Variants in TMEM8B observed in about 807,000 individuals in gnomAD.
TMEM8B encodes transmembrane protein 8B, also known as nasopharyngeal carcinoma expressed 6.
Under a neutral mutation model 49.3 loss-of-function variants are expected in TMEM8B, and 29 were observed. The observed-to-expected ratio is 0.59, with a 90% CI of 0.44 to 0.80. The LOEUF (loss-of-function observed/expected upper bound fraction) is 0.80. Among genes scored for constraint, TMEM8B ranks in the 30% least tolerant of loss-of-function variants. The pLI is 0.00. For synonymous variants in TMEM8B, 264 were observed against 272.8 expected, an observed-to-expected ratio of 0.97 and a Z score of 0.32; for missense variants, 575 against 658.5, an observed-to-expected ratio of 0.87 and a Z score of 1.39.
In TMEM8B at chr9:35,829,328, C is replaced by T; in HGVS notation, c.-120C>T. 2.7e-6 allele frequency: 1 copy of T among 370,030 alleles called. No individual in the cohort carries two copies. Among genetic ancestry groups the T allele is most frequent in the Non-Finnish European group, 4.8e-6 (1 of 207,558 alleles). The allele number at this position is 370,030 out of a possible 1,614,324, so 22.9% of individuals were successfully genotyped here. ...CCTGAACTCCTACCCAGGTCCCCGG[C>T]CCCCGCCCCGGGCCCGCGAGGACAC... On this transcript the variant is annotated 5_prime_UTR_variant, in exon 1 of 13. Coordinates refer to ENST00000643932, the MANE Select transcript of TMEM8B (RefSeq NM_001042590.4).
intron 10 of TMEM8B, among the ~76,000 whole-genome samples, chr9:35,851,553 C>T (rs1004033589): frequency 2.2e-4 from 33 of 152,194 alleles, no homozygotes; most frequent in African/African-American, 6.8e-4. Context: ...GGAACCATGT[C>T]CCCAAAATAA....
At chr9:35,847,233 C>T in intron 10 of TMEM8B, 1 of 1,267,280 alleles carries the variant, frequency 7.9e-7, no homozygotes, top group Non-Finnish European at 1.1e-6. Flanking sequence ...GTTTGGGCCT[C>T]CAGCTGTTCC....
Position 35,859,664 on chromosome 9 carries a change from C to T in TMEM8B, c.*5824C>T. 6.2e-6 allele frequency: 1 copy of T among 161,450 alleles called. No individual in the cohort carries two copies. The allele number at this position is 161,450 out of a possible 1,614,324, so 10.0% of individuals were successfully genotyped here. Reference sequence around the variant, plus strand: ...CCAGCAGCAGGCACTCCGTTGATCCCAGCGCCAGGGTCAGGTACATCTGCA... The same window carrying T: ...CCAGCAGCAGGCACTCCGTTGATCCTAGCGCCAGGGTCAGGTACATCTGCA... On this transcript the variant is annotated 3_prime_UTR_variant, in exon 13 of 13. Coordinates refer to ENST00000643932, the MANE Select transcript of TMEM8B (RefSeq NM_001042590.4).
rs77574507 is a variant in TMEM8B at position 35,859,290 on chromosome 9, C to T, written c.*5450C>T. Reference sequence around the variant, plus strand: ...TGAGCAGGTGGAGAAGGCTTTGCACCGGCCTGCAGCAGAGGGTACCCTAAG... The same window carrying T: ...TGAGCAGGTGGAGAAGGCTTTGCACTGGCCTGCAGCAGAGGGTACCCTAAG... On this transcript the variant is annotated 3_prime_UTR_variant, in exon 13 of 13. Transcript: ENST00000643932. 0.016 allele frequency: 2,609 copies of T among 159,414 alleles called. 66 individuals carry two copies. The highest frequency in any genetic ancestry group is 0.057 in the African/African-American group (2,369 of 41,838). The allele number at this position is 159,414 out of a possible 1,614,324, so 9.9% of individuals were successfully genotyped here.
rs973928003 is a variant in TMEM8B, at chr9:35,858,089, C to T, written c.*4249C>T. 2 of 148,588 alleles carry T rather than the reference C, an allele frequency of 1.3e-5. No homozygotes were observed. The highest frequency in any genetic ancestry group is 2.5e-5 in the African/African-American group (1 of 40,118). The allele number at this position is 148,588 out of a possible 1,614,324, so 9.2% of individuals were successfully genotyped here. A position where few individuals can be genotyped will look rare whatever the true frequency, so the allele number is the denominator to read the frequency against. ...TGCCCTCACTGTGTCTGGTGCTGTT[C>T]CATTTTTTTTCTTTCTTTCTTTTTT... On this transcript the variant is annotated 3_prime_UTR_variant, in exon 13 of 13. Transcript: ENST00000643932.
In TMEM8B at chr9:35,858,257, T is replaced by C. The variant is rs1832587764; in HGVS notation, c.*4417T>C. On this transcript the variant is annotated 3_prime_UTR_variant, in exon 13 of 13. Coordinates refer to ENST00000643932, the MANE Select transcript of TMEM8B (RefSeq NM_001042590.4). ...CAGGTGCACCACCACACCTGGCTAA[T>C]TTTTTGTGTTTTTAGTAGAGGCAGG... is the stretch of plus-strand genomic sequence containing the variant. The C allele has an allele frequency of 6.6e-6, 1 of 151,834 alleles. No homozygotes were observed. Among genetic ancestry groups the C allele is most frequent in the East Asian group, 1.9e-4 (1 of 5,176 alleles). 9.4% of individuals were successfully genotyped at this position (151,834 alleles called of 1,614,324 possible). A position where few individuals can be genotyped will look rare whatever the true frequency, so the allele number is the denominator to read the frequency against.
intron 6 of TMEM8B, among the ~76,000 whole-genome samples, chr9:35,843,703 G>C (rs1372848141): frequency 6.6e-6 from 1 of 152,108 alleles, no homozygotes; most frequent in Non-Finnish European, 1.5e-5. Context: ...TTTATTATAA[G>C]AGTAATAGGA....
At chr9:35,838,369 G>T (rs1172161516) in intron 3 of TMEM8B, among the ~76,000 whole-genome samples, 2 of 151,880 alleles carry the variant, frequency 1.3e-5, no homozygotes, top group Admixed American at 1.3e-4. Context: ...TGACTTTACA[G>T]AACTGTCCTG....
At chr9:35,847,350 T>C in intron 10 of TMEM8B, 1 of 605,514 alleles carries the variant, frequency 1.7e-6, no homozygotes, top group Middle Eastern at 4.3e-4. Context: ...GTTCTCTGTA[T>C]GGGGGCAGGA....
At chr9:35,835,875 C>T (rs1176817510) in intron 3 of TMEM8B, among the ~76,000 whole-genome samples, 1 of 152,230 alleles carries the variant, frequency 6.6e-6, no homozygotes, top group Non-Finnish European at 1.5e-5. Flanking sequence ...GGTCAGATGT[C>T]TCTCTGGTTT....
Position 35,845,980 on chromosome 9 carries a change from C to G in TMEM8B, c.1641C>G (p.Ser547=). 1 of 1,613,884 alleles carries G rather than the reference C, an allele frequency of 6.2e-7. No homozygotes were observed. The highest frequency in any genetic ancestry group is 8.5e-7 in the Non-Finnish European group (1 of 1,179,922). ...TCCATACCTGCCCTCCCCAGAGCTCCGTGCGCCAGGAAAACGTGACGGTGT... is the reference window on the plus strand; with the variant it reads ...TCCATACCTGCCCTCCCCAGAGCTCGGTGCGCCAGGAAAACGTGACGGTGT... ...LSLELQLNAS[S]VRQENVTVFG... is the part of the protein sequence containing the mutation. The change falls in exon 7 of 13, where the codon TCC becomes TCG. Residue 547 remains serine (S), a synonymous_variant. Coordinates refer to ENST00000643932, the MANE Select transcript of TMEM8B (RefSeq NM_001042590.4).
At position 35,858,794 on chromosome 9, in the gene TMEM8B, T is replaced by G. The variant is rs1832599696; in HGVS notation, c.*4954T>G. On this transcript the variant is annotated 3_prime_UTR_variant, in exon 13 of 13. Coordinates refer to ENST00000643932, the MANE Select transcript of TMEM8B (RefSeq NM_001042590.4). The stretch of plus-strand genomic sequence containing the variant: ...TGAGTAGAAGCTTTAAGAGTCAGTG[T>G]AGGCTTTGTTACTTTCCCTTTTCTT... The G allele has an allele frequency of 6.6e-6, 1 of 152,270 alleles. No individual in the cohort carries two copies. The highest frequency in any genetic ancestry group is 1.5e-5 in the Non-Finnish European group (1 of 68,066). 9.4% of individuals were successfully genotyped at this position (152,270 alleles called of 1,614,324 possible). A position where few individuals can be genotyped will look rare whatever the true frequency, so the allele number is the denominator to read the frequency against.
chr9:35,839,446 G>A (rs902285369), intron 3 of TMEM8B, among the ~76,000 whole-genome samples: 6 of 152,148 alleles, frequency 3.9e-5, no homozygotes, highest in Non-Finnish European at 7.3e-5. Context: ...ACTGGGTGAC[G>A]GTTCCCTGCA....
chr9:35,829,807 C>G lies in TMEM8B; in HGVS notation c.360C>G (p.Pro120=), dbSNP rs1189440394. 2 of 416,478 alleles carry G rather than the reference C, an allele frequency of 4.8e-6. No individual in the cohort carries two copies. The highest frequency in any genetic ancestry group is 2.1e-5 in the African/African-American group (1 of 48,718). 25.8% of individuals were successfully genotyped at this position (416,478 alleles called of 1,614,324 possible). Reference sequence around the variant, plus strand: ...CCAACCCATTATCTCAGCCTTTGCCCTCATCTCTGTGTTTACCCAAGTCTC... The same window carrying G: ...CCAACCCATTATCTCAGCCTTTGCCGTCATCTCTGTGTTTACCCAAGTCTC... ...AQPNPLSQPL[P]SSLCLPKSLP... is the part of the protein sequence containing the mutation. The change falls in exon 1 of 13, where the codon CCC becomes CCG. Residue 120 remains proline, a synonymous_variant. Coordinates refer to ENST00000643932, the MANE Select transcript of TMEM8B (RefSeq NM_001042590.4).
At position 35,829,913 on chromosome 9, in the gene TMEM8B, C is replaced by G; in HGVS notation, c.466C>G (p.Leu156Val). 2.4e-6 allele frequency: 1 copy of G among 416,136 alleles called. No homozygotes were observed. Among genetic ancestry groups the G allele is most frequent in the Non-Finnish European group, 4.4e-6 (1 of 226,630 alleles). The allele number at this position is 416,136 out of a possible 1,614,324, so 25.8% of individuals were successfully genotyped here. A position where few individuals can be genotyped will look rare whatever the true frequency, so the allele number is the denominator to read the frequency against. Residue 156 changes from leucine (L) to valine (V), a missense_variant, in exon 1 of 13, where the codon CTA becomes GTA. By Grantham distance (32) the Leu-to-Val change is conservative. Transcript: ENST00000643932. ...LKSGFQLPPA[L>V]LLLLLFSVLG... The stretch of plus-strand genomic sequence containing the variant: ...GTCTGGGTTTCAGCTGCCGCCAGCC[C>G]TATTGCTGCTGTTGCTGTTCTCTGT...
chr9:35,855,352 G>T lies in TMEM8B; in HGVS notation c.*1512G>T, dbSNP rs766572907. 6.6e-6 allele frequency: 1 copy of T among 151,596 alleles called. No individual in the cohort carries two copies. Among genetic ancestry groups the T allele is most frequent in the African/African-American group, 2.4e-5 (1 of 41,210 alleles). The allele number at this position is 151,596 out of a possible 1,614,324, so 9.4% of individuals were successfully genotyped here. A position where few individuals can be genotyped will look rare whatever the true frequency, so the allele number is the denominator to read the frequency against. The stretch of plus-strand genomic sequence containing the variant: ...CTCCTCTCTCTTCTTTCCCCCTTTC[G>T]TTAATATTGGAGGTGAGGAAGCCTT... On this transcript the variant is annotated 3_prime_UTR_variant, in exon 13 of 13. Coordinates refer to ENST00000643932, the MANE Select transcript of TMEM8B (RefSeq NM_001042590.4).
Position 35,864,873 on chromosome 9 carries a change from G to C in TMEM8B, c.*11033G>C, listed in dbSNP as rs2132435244. On this transcript the variant is annotated 3_prime_UTR_variant, in exon 13 of 13. Transcript: ENST00000643932. ...AGTTCATTATGAGCAAGTGCACGGT[G>C]CTGGGATGGGCTAGGTTCCCCGCAC... 6.6e-6 allele frequency: 1 copy of C among 152,418 alleles called. No homozygotes were observed. Among genetic ancestry groups the C allele is most frequent in the South Asian group, 2.1e-4 (1 of 4,832 alleles). 9.4% of individuals were successfully genotyped at this position (152,418 alleles called of 1,614,324 possible).
At chr9:35,851,691 A>G (rs550803616) in intron 10 of TMEM8B, among the ~76,000 whole-genome samples, 30 of 152,340 alleles carry the variant, frequency 2.0e-4, no homozygotes, top group Non-Finnish European at 3.8e-4. Flanking sequence ...CGCAAGCTTG[A>G]GTCTTGCAGC....
chr9:35,842,439 A>G lies in TMEM8B; in HGVS notation c.1357A>G (p.Met453Val), dbSNP rs752794838. ...CCGAGCCCTGGTCCCTGGAGCTGCC[A>G]TGAACATGCCCCAGTCCCTGGGCAA... is the stretch of plus-strand genomic sequence containing the variant. ...LLRALVPGAA[M>V]NMPQSLGNQP... Residue 453 changes from methionine (M) to valine (V), a missense_variant, in exon 6 of 13, where the codon ATG (methionine) becomes GTG (valine). Met to Val is a conservative substitution (Grantham distance 21, BLOSUM62 1). Transcript: ENST00000643932. This position sits in a 1 kb window ranked among gnomAD's most constrained non-coding sequence, Gnocchi z 5.6. 2.6e-6 allele frequency: 4 copies of G among 1,565,498 alleles called. No individual in the cohort carries two copies. Among genetic ancestry groups the G allele is most frequent in the Non-Finnish European group, 3.5e-6 (4 of 1,152,318 alleles).
Sources: allele counts gnomAD v4.1 joint callset (sites outside exome capture counted in the v4.1 genomes callset), GRCh38; gene constraint gnomAD v4.1.1; non-coding constraint Gnocchi (gnomAD v3.1); transcripts MANE v1.5; gene names NCBI Gene and HGNC (gene_info 2026-07-23, HGNC 2026-07-21).